AGTPBP1: variants seen among roughly 807,000 people sequenced by gnomAD.
AGTPBP1 encodes the protein cytosolic carboxypeptidase 1.
In AGTPBP1, 70 loss-of-function variants were observed where a neutral mutation model predicts 143.9. That is an observed-to-expected ratio of 0.49 (90% CI 0.40 to 0.59). AGTPBP1 has a LOEUF of 0.59. Among genes scored for constraint, AGTPBP1 ranks in the 20% least tolerant of loss-of-function variants. The pLI is 0.00. For synonymous variants in AGTPBP1, 463 were observed against 500.2 expected, an observed-to-expected ratio of 0.93 and a Z score of 0.99; for missense variants, 1,229 against 1,464.5, an observed-to-expected ratio of 0.84 and a Z score of 2.62.
intron 2 of AGTPBP1, among the ~76,000 whole-genome samples, chr9:85,706,037 T>C (rs1836973498): frequency 6.6e-6 from 1 of 151,334 alleles, no homozygotes; most frequent in Admixed American, 6.6e-5. Context: ...CACTAAAAGA[T>C]AGACTATGAT....
intron 3 of AGTPBP1, among the ~76,000 whole-genome samples, chr9:85,688,335 G>A (rs1251642954): frequency 6.6e-6 from 1 of 151,846 alleles, no homozygotes; most frequent in East Asian, 1.9e-4. Context: ...TCTTGTGGTG[G>A]GCTGATCTAT....
intron 17 of AGTPBP1, among the ~76,000 whole-genome samples, chr9:85,609,989 A>G (rs1414913832): frequency 6.6e-6 from 1 of 152,204 alleles, no homozygotes; most frequent in East Asian, 1.9e-4. Context: ...AACTGTAAAG[A>G]GCACCCCAAA....
intron 17 of AGTPBP1, among the ~76,000 whole-genome samples, chr9:85,608,969 C>T (rs1238126080): frequency 6.6e-6 from 1 of 152,046 alleles, no homozygotes; most frequent in Non-Finnish European, 1.5e-5. Flanking sequence ...ATTGATCAAA[C>T]AAGTTAATAT....
chr9:85,804,293 T>G, the AGTPBP1 span, among the ~76,000 whole-genome samples: 3 of 152,188 alleles, frequency 2.0e-5, no homozygotes, highest in Non-Finnish European at 2.9e-5. Context: ...CAACTTTCAC[T>G]GATTCGCCTT....
At chr9:85,678,973 T>C (rs1835002713) in intron 4 of AGTPBP1, among the ~76,000 whole-genome samples, 1 of 152,210 alleles carries the variant, frequency 6.6e-6, no homozygotes, top group Non-Finnish European at 1.5e-5. Context: ...TATATCACCA[T>C]TGTTTATGTA....
the AGTPBP1 span, among the ~76,000 whole-genome samples, chr9:85,760,194 G>A: frequency 6.6e-6 from 1 of 152,098 alleles, no homozygotes; most frequent in East Asian, 1.9e-4. Flanking sequence ...AGAGGTACAA[G>A]GAGGAGCTGG....
intron 4 of AGTPBP1, among the ~76,000 whole-genome samples, chr9:85,680,349 C>T (rs981276253): frequency 6.6e-6 from 1 of 152,074 alleles, no homozygotes; most frequent in African/African-American, 2.4e-5. Flanking sequence ...TTTGGGAGGC[C>T]GAGGCAGGTG....
chr9:85,607,117 A>G (rs1830036164), intron 17 of AGTPBP1, among the ~76,000 whole-genome samples: 1 of 152,004 alleles, frequency 6.6e-6, no homozygotes, highest in Non-Finnish European at 1.5e-5. Flanking sequence ...AAATACCCTG[A>G]CTTGATTGTG....
At chr9:85,692,584 AT>A in intron 3 of AGTPBP1, 104 bp downstream of exon 3, 1 of 1,444,910 alleles carries the variant, frequency 6.9e-7, no homozygotes, top group Non-Finnish European at 9.3e-7. Context: ...TGAAAGTTCA[AT>A]TTTTGTGGAA....
chr9:85,646,214 G>T lies in AGTPBP1; in HGVS notation c.1185+107C>A, dbSNP rs1340428346. 12 of 726,112 alleles carry T rather than the reference G, an allele frequency of 1.7e-5. No individual in the cohort carries two copies. In the Admixed American group the frequency reaches 2.7e-4, roughly 16 times the overall value. 45.0% of individuals were successfully genotyped at this position (726,112 alleles called of 1,614,324 possible). The stretch of plus-strand genomic sequence containing the variant: ...TAGTCATTCATGGTAAAAAGATGTG[G>T]ACAAAGTAAAACCTAAAATTACATA... On this transcript the variant is annotated intron_variant, in intron 12 of 25. Coordinates refer to ENST00000357081, the MANE Select transcript of AGTPBP1 (RefSeq NM_001330701.2).
the AGTPBP1 span, among the ~76,000 whole-genome samples, chr9:85,747,245 C>T: frequency 1.6e-4 from 25 of 152,322 alleles, no homozygotes; most frequent in East Asian, 4.6e-3. Context: ...TGTCTATCCT[C>T]ATGCTAGTAT....
At chr9:85,561,329 A>C (rs1173839682) in intron 25 of AGTPBP1, among the ~76,000 whole-genome samples, 2 of 151,442 alleles carry the variant, frequency 1.3e-5, no homozygotes, top group African/African-American at 2.4e-5. Flanking sequence ...CAGAGATTGC[A>C]GTGAGCCAAG....
At chr9:85,652,823 G>A (rs761625971) in intron 11 of AGTPBP1, among the ~76,000 whole-genome samples, 23 of 152,178 alleles carry the variant, frequency 1.5e-4, no homozygotes, top group African/African-American at 7.2e-5. Context: ...GTCCAGACTT[G>A]TAATTGTTAT....
chr9:85,730,431 T>C (rs1838803010), intron 1 of AGTPBP1, among the ~76,000 whole-genome samples: 1 of 152,170 alleles, frequency 6.6e-6, no homozygotes, highest in Non-Finnish European at 1.5e-5. Flanking sequence ...GCTTCCTAGT[T>C]CCAGGGCATT....
chr9:85,615,913 GATAA>G (rs1213584170), intron 17 of AGTPBP1, among the ~76,000 whole-genome samples: 1 of 151,806 alleles, frequency 6.6e-6, no homozygotes, highest in African/African-American at 2.4e-5. Flanking sequence ...GAAAGGTTTG[GATAA>G]ATAAATTACA....
At chr9:85,796,255 A>G in the AGTPBP1 span, among the ~76,000 whole-genome samples, 3 of 152,192 alleles carry the variant, frequency 2.0e-5, no homozygotes, top group African/African-American at 4.8e-5. Flanking sequence ...TTTTGGAGAG[A>G]GTGATAGCAG....
At chr9:85,573,122 C>T (rs1827623134) in intron 25 of AGTPBP1, among the ~76,000 whole-genome samples, 1 of 152,108 alleles carries the variant, frequency 6.6e-6, no homozygotes, top group Non-Finnish European at 1.5e-5. Flanking sequence ...TCTCCCTCTC[C>T]CTCTCTTTCC....
At chr9:85,697,307 T>A (rs1215884222) in intron 2 of AGTPBP1, among the ~76,000 whole-genome samples, 1 of 152,138 alleles carries the variant, frequency 6.6e-6, no homozygotes, top group Non-Finnish European at 1.5e-5. Flanking sequence ...ATGCCACTCT[T>A]CCTACCAAAC....
the AGTPBP1 span, among the ~76,000 whole-genome samples, chr9:85,750,033 C>T: frequency 6.6e-6 from 1 of 152,098 alleles, no homozygotes; most frequent in Admixed American, 6.5e-5. Context: ...AGGCACTTGC[C>T]ACCATGCCTG....
Sources: gnomAD v4.1 joint callset for allele counts (sites outside exome capture counted in the v4.1 genomes callset) on GRCh38, gnomAD v4.1.1 for gene constraint, MANE v1.5 for transcripts, NCBI Gene and HGNC (gene_info 2026-07-23, HGNC 2026-07-21) for gene names.